The following SYNJ2 variants were observed in gnomAD, a reference collection of about 807,000 sequenced individuals.
SYNJ2 encodes synaptojanin 2, also known as polyphosphatidylinositol phosphatase SYNJ2.
A neutral mutation model predicts 141.3 loss-of-function variants in SYNJ2; 116 were observed. The ratio of observed to expected loss-of-function variants is 0.82; its 90% confidence interval spans 0.71 to 0.96. The LOEUF (loss-of-function observed/expected upper bound fraction) is 0.96. Ranked by LOEUF, SYNJ2 falls within the 40% of genes least tolerant of loss-of-function variation. The pLI, the probability that SYNJ2 is intolerant of heterozygous loss-of-function variation, is 0.00. For missense variants in SYNJ2, 1,873 were observed against 1,934.8 expected (o/e 0.97, Z 0.60); for synonymous variants, 745 against 777.7 (o/e 0.96, Z 0.70).
At chr6:158,079,243 G>A (rs1379500376) in intron 18 of SYNJ2, 2 of 152,232 alleles carry the variant, frequency 1.3e-5, no homozygotes, top group East Asian at 1.9e-4. Flanking sequence ...AAAGACAGAG[G>A]AGAGGATGGC....
At chr6:158,093,243 G>A (rs1783583248) in intron 26 of SYNJ2, 139 bp downstream of exon 26, 1 of 914,572 alleles carries the variant, frequency 1.1e-6, no homozygotes, top group Non-Finnish European at 1.6e-6. Context: ...AGACCAGCCT[G>A]ACCAACATGG....
intron 5 of SYNJ2, among the ~76,000 whole-genome samples, chr6:158,047,408 C>A (rs1780298254): frequency 6.6e-6 from 1 of 152,112 alleles, no homozygotes; most frequent in African/African-American, 2.4e-5. Context: ...CTGTGCCAAG[C>A]CTTAGTTTAC....
chr6:158,030,096 AG>A (rs1779283042), intron 3 of SYNJ2, among the ~76,000 whole-genome samples: 1 of 152,210 alleles, frequency 6.6e-6, no homozygotes, highest in African/African-American at 2.4e-5. Flanking sequence ...TGTATGTTTA[AG>A]ATCTCCTGGT....
chr6:158,083,018 C>T (rs1367428872), intron 20 of SYNJ2, among the ~76,000 whole-genome samples: 3 of 151,918 alleles, frequency 2.0e-5, no homozygotes, highest in Admixed American at 6.6e-5. Flanking sequence ...CCGCAGCTTC[C>T]GCCTCCCGGG....
intron 4 of SYNJ2, among the ~76,000 whole-genome samples, chr6:158,042,681 A>G (rs1318188848): frequency 1.3e-5 from 2 of 152,192 alleles, no homozygotes; most frequent in Admixed American, 1.3e-4. Context: ...AAGTGTACGG[A>G]TCATTTGTTT....
Position 158,098,660 on chromosome 6 carries a change from A to G in SYNJ2, c.*2296A>G, listed in dbSNP as rs572255741. ...ATAATCTTGACAATGAGCAGCTGCC[A>G]TCTTGGGGGATTTCATTCTGTGGTT... On this transcript the variant is annotated 3_prime_UTR_variant, in exon 27 of 27. Transcript: ENST00000355585. 1 of 152,314 alleles carries G rather than the reference A, an allele frequency of 6.6e-6. No individual in the cohort carries two copies. Among genetic ancestry groups the G allele is most frequent in the Non-Finnish European group, 1.5e-5 (1 of 68,032 alleles). 9.4% of individuals were successfully genotyped at this position (152,314 alleles called of 1,614,324 possible). A position where few individuals can be genotyped will look rare whatever the true frequency, so the allele number is the denominator to read the frequency against.
intron 8 of SYNJ2, among the ~76,000 whole-genome samples, chr6:158,062,661 G>T (rs1781297294): frequency 6.6e-6 from 1 of 152,014 alleles, no homozygotes; most frequent in African/African-American, 2.4e-5. Flanking sequence ...CACATGCAGG[G>T]GGTCCTCATT....
At chr6:158,077,164 T>C (rs1230807971) in intron 17 of SYNJ2, among the ~76,000 whole-genome samples, 2 of 152,066 alleles carry the variant, frequency 1.3e-5, no homozygotes, top group Non-Finnish European at 2.9e-5. Flanking sequence ...CCAGCTAATT[T>C]TGTATTTTTA....
Position 158,033,699 on chromosome 6 carries a change from C to T in SYNJ2, c.711+19C>T, listed in dbSNP as rs199812996. 1.9e-6 allele frequency: 3 copies of T among 1,589,108 alleles called. No homozygotes were observed. The Admixed American group carries it at 5.0e-5, about 27-fold the overall frequency. On this transcript the variant is annotated intron_variant, in intron 4 of 26. Coordinates refer to ENST00000355585, the MANE Select transcript of SYNJ2 (RefSeq NM_003898.4). ...AGAGCAGGTGAGTGCCCAGGCCCAT[C>T]TGTGGCACCAAATGGTTCCGAGTGG...
intron 26 of SYNJ2, among the ~76,000 whole-genome samples, chr6:158,094,907 G>A (rs1273073387): frequency 6.6e-6 from 1 of 152,206 alleles, no homozygotes; most frequent in African/African-American, 2.4e-5. Context: ...CAGCACTTTG[G>A]GAGGCTGAGG....
At chr6:158,030,493 C>T (rs912260981) in intron 3 of SYNJ2, 8 of 152,740 alleles carry the variant, frequency 5.2e-5, no homozygotes, top group African/African-American at 1.4e-4. Flanking sequence ...AGGGGACCCT[C>T]CCCACATCCC....
At chr6:158,014,206 A>G (rs190891112) in intron 1 of SYNJ2, among the ~76,000 whole-genome samples, 2 of 152,354 alleles carry the variant, frequency 1.3e-5, no homozygotes, top group East Asian at 3.9e-4. Context: ...TGTTCTGGAT[A>G]GGTGGAAGGC....
intron 4 of SYNJ2, among the ~76,000 whole-genome samples, chr6:158,039,073 A>C (rs1266539130): frequency 6.6e-6 from 1 of 152,232 alleles, no homozygotes; most frequent in Non-Finnish European, 1.5e-5. Flanking sequence ...AGATGGCTGC[A>C]GGGAAGTGAC....
At position 158,096,432 on chromosome 6, in the gene SYNJ2, A is replaced by G. The variant is rs1783806151; in HGVS notation, c.*68A>G. 2.0e-6 allele frequency: 3 copies of G among 1,494,272 alleles called. No individual in the cohort carries two copies. The highest frequency in any genetic ancestry group is 1.4e-5 in the African/African-American group (1 of 71,568). The allele number at this position is 1,494,272 out of a possible 1,614,324, so 92.6% of individuals were successfully genotyped here. On this transcript the variant is annotated 3_prime_UTR_variant, in exon 27 of 27. Coordinates refer to ENST00000355585, the MANE Select transcript of SYNJ2 (RefSeq NM_003898.4). ...TCCTCCCTCTAGACATCCCTCCACC[A>G]GAAGAGACATCTATTTAAAGGCACA...
chr6:157,984,913 G>C (rs1329858397), intron 1 of SYNJ2, among the ~76,000 whole-genome samples: 1 of 152,172 alleles, frequency 6.6e-6, no homozygotes, highest in Non-Finnish European at 1.5e-5. Flanking sequence ...GAGACAAGTT[G>C]TGGTAACTGC....
At position 158,085,331 on chromosome 6, in the gene SYNJ2, C is replaced by G. The variant is rs539635757; in HGVS notation, c.3208+1157C>G. ...CCACTGCACCTGGCCAGTAACTGTT[C>G]TGAGTAACTTTTAAAGCCCACTAAT... On this transcript the variant is annotated intron_variant, in intron 22 of 26. Transcript: ENST00000355585. Among the ~76,000 whole-genome samples, 43 of 152,208 alleles carry G rather than the reference C, an allele frequency of 2.8e-4. No homozygotes were observed. The South Asian group carries it at 8.3e-3, about 29-fold the overall frequency.
intron 16 of SYNJ2, among the ~76,000 whole-genome samples, 197 bp downstream of exon 16, chr6:158,074,935 T>TCC (rs1782178407): frequency 6.7e-6 from 1 of 150,232 alleles, no homozygotes; most frequent in African/African-American, 2.5e-5. Context: ...TTTTTTTTTT[T>TCC]TTTTTTTTTT....
chr6:158,010,506 G>A (rs1245639476), intron 1 of SYNJ2, among the ~76,000 whole-genome samples: 3 of 152,162 alleles, frequency 2.0e-5, no homozygotes, highest in South Asian at 2.1e-4. Flanking sequence ...GGCACTGCAG[G>A]AAGAGAGGAA....
chr6:158,029,071 G>GCAGAGGGTGGGCCCTGGGTCTCCTT, intron 3 of SYNJ2, 45 bp downstream of exon 3: 1 of 1,603,440 alleles, frequency 6.2e-7, no homozygotes, highest in Non-Finnish European at 8.5e-7. Flanking sequence ...TGGGTCTCCT[G>GCAGAGGGTGGGCCCTGGGTCTCCTT]CAGAGGGTGG....
Sources: gnomAD v4.1 joint callset for allele counts (sites outside exome capture counted in the v4.1 genomes callset) on GRCh38, gnomAD v4.1.1 for gene constraint, MANE v1.5 for transcripts, NCBI Gene and HGNC (gene_info 2026-07-23, HGNC 2026-07-21) for gene names.